MYO19: variants seen among roughly 807,000 people sequenced by gnomAD.
MYO19 encodes the protein myosin XIX.
In MYO19, 132 loss-of-function variants were observed where a neutral mutation model predicts 129.2. The ratio of observed to expected loss-of-function variants is 1.02; its 90% CI spans 0.89 to 1.18. The LOEUF (loss-of-function observed/expected upper bound fraction) is 1.18, where lower values mean the gene tolerates loss of function less well. Among genes scored for constraint, MYO19 ranks in the 50% most tolerant of loss-of-function variants. The pLI is 0.00. For synonymous variants in MYO19, 531 were observed against 477.2 expected, an observed-to-expected ratio of 1.11 and a Z score of -1.47; for missense variants, 1,210 against 1,216.7, an observed-to-expected ratio of 0.99 and a Z score of 0.08.
chr17:36,527,753 A>G, intron 4 of MYO19, 54 bp from the exon 5 acceptor site: 1 of 1,546,926 alleles, frequency 6.5e-7, no homozygotes, highest in South Asian at 1.2e-5. Flanking sequence ...CAAACCACAC[A>G]CACAGACACA....
intron 4 of MYO19, 107 bp downstream of exon 4, chr17:36,527,957 C>T: frequency 6.9e-7 from 1 of 1,458,938 alleles, no homozygotes. Context: ...GGCTCCAGAT[C>T]AGGAGTCCTG....
chr17:36,540,428 T>TG (rs1243526775), intron 2 of MYO19, among the ~76,000 whole-genome samples: 3 of 151,210 alleles, frequency 2.0e-5, no homozygotes, highest in African/African-American at 7.3e-5. Context: ...TGGAGTGCAG[T>TG]GGCACAGTCT....
intron 5 of MYO19, among the ~76,000 whole-genome samples, chr17:36,526,988 T>C (rs1265551607): frequency 1.3e-5 from 2 of 151,992 alleles, no homozygotes; most frequent in African/African-American, 2.4e-5. Flanking sequence ...GAGACCAGCC[T>C]GACCAATATG....
At chr17:36,522,617 C>T (rs1419139729) in intron 6 of MYO19, among the ~76,000 whole-genome samples, 3 of 152,082 alleles carry the variant, frequency 2.0e-5, no homozygotes, top group African/African-American at 4.8e-5. Context: ...TGCCTGTAAA[C>T]CCAGCACTTT....
At position 36,510,854 on chromosome 17, in the gene MYO19, T is replaced by C. The variant is rs775885737; in HGVS notation, c.1049A>G (p.Gln350Arg). 28 of 1,582,024 alleles carry C rather than the reference T, an allele frequency of 1.8e-5. No homozygotes were observed. The highest frequency in any genetic ancestry group is 2.3e-5 in the Non-Finnish European group (27 of 1,163,954). The change falls in exon 13 of 26, where the codon CAG becomes CGG. Residue 350 changes from glutamine (Q) to arginine (R), a missense_variant. Gln to Arg is a conservative substitution (Grantham distance 43). Transcript: ENST00000614623. Reference protein sequence around the residue: ...LPEDVLLEMVQIRTIRAGRQQ... With the variant: ...LPEDVLLEMVRIRTIRAGRQQ... ...TCTGCCTGCCCTGATGGTTCTAATC[T>C]GCACCATCTCCAGCAGCACGTCCTC...
intron 2 of MYO19, among the ~76,000 whole-genome samples, chr17:36,541,606 T>C (rs772120956): frequency 6.6e-6 from 1 of 152,236 alleles, no homozygotes; most frequent in Non-Finnish European, 1.5e-5. Flanking sequence ...CTGTTCTTTA[T>C]TAGGTACCAG....
At chr17:36,497,588 A>ATT in intron 25 of MYO19, 1 of 971,950 alleles carries the variant, frequency 1.0e-6, no homozygotes, top group African/African-American at 1.8e-5. Flanking sequence ...CCTAAACCAA[A>ATT]CTTTTTTTTT....
chr17:36,503,306 G>T, intron 20 of MYO19, 106 bp from the exon 21 acceptor site: 1 of 886,846 alleles, frequency 1.1e-6, no homozygotes, highest in Non-Finnish European at 1.9e-6. Context: ...CAACAACACA[G>T]CACGGTGCTG....
rs2071214228 is a variant in MYO19, at chr17:36,498,554, T to A, written c.2469A>T (p.Arg823Ser). 1.2e-6 allele frequency: 2 copies of A among 1,607,364 alleles called. No homozygotes were observed. The highest frequency in any genetic ancestry group is 1.7e-6 in the Non-Finnish European group (2 of 1,174,726). ...GCTCTTTAGCAGCAAGGCAGGCCAT[T>A]CTGATCTTAAAAAGCAAATATCCCT... ...IKRAWQKWRI[R>S]MACLAAKELD... is the part of the protein sequence containing the mutation. Residue 823 changes from arginine (R) to serine (S), a missense_variant, in exon 25 of 26, where the codon AGA becomes AGT. Transcript: ENST00000614623.
chr17:36,513,561 G>A, intron 10 of MYO19, 56 bp from the exon 11 acceptor site: 1 of 1,613,646 alleles, frequency 6.2e-7, no homozygotes, highest in Non-Finnish European at 8.5e-7. Context: ...TGCGAGGGAG[G>A]CAGGCTCTGT....
chr17:36,527,085 G>T (rs2073514123), intron 5 of MYO19, among the ~76,000 whole-genome samples: 1 of 152,108 alleles, frequency 6.6e-6, no homozygotes, highest in Admixed American at 6.5e-5. Context: ...AGAATTGCTT[G>T]AACTCAGGAG....
intron 23 of MYO19, 50 bp downstream of exon 23, chr17:36,500,780 A>C (rs760073071): frequency 1.3e-6 from 2 of 1,565,154 alleles, no homozygotes; most frequent in South Asian, 2.2e-5. Flanking sequence ...AAGGAAACCA[A>C]CATCCTGTGG....
Position 36,532,580 on chromosome 17 carries a change from G to A in MYO19, c.-42C>T. 1 of 1,552,142 alleles carries A rather than the reference G, an allele frequency of 6.4e-7. No individual in the cohort carries two copies. On this transcript the variant is annotated 5_prime_UTR_variant, in exon 3 of 26. Coordinates refer to ENST00000614623, the MANE Select transcript of MYO19 (RefSeq NM_001163735.2). ...CAGCCAGGGTTCTGGGTTGCAGGAG[G>A]TACAAGGAGTACTATCCACCTAGTC... is the stretch of plus-strand genomic sequence containing the variant.
chr17:36,512,360 G>C (rs1325223141), intron 11 of MYO19, among the ~76,000 whole-genome samples: 2 of 142,090 alleles, frequency 1.4e-5, no homozygotes, highest in Non-Finnish European at 3.0e-5. Context: ...CTGCACTCTA[G>C]ACTGGGCAAC....
upstream of MYO19, chr17:36,535,632 G>C (rs1318085215): frequency 1.3e-5 from 2 of 152,252 alleles, no homozygotes; most frequent in Admixed American, 1.3e-4. Context: ...CAGGTCGGGC[G>C]TCTGTTAGGA....
At chr17:36,496,499 G>A in intron 25 of MYO19, 93 bp from the exon 26 acceptor site, 1 of 1,232,136 alleles carries the variant, frequency 8.1e-7, no homozygotes, top group African/African-American at 1.5e-5. Flanking sequence ...AATGCAAGAA[G>A]GTATGGACAA....
chr17:36,510,635 T>C, intron 13 of MYO19, 111 bp downstream of exon 13: 1 of 1,237,550 alleles, frequency 8.1e-7, no homozygotes, highest in Non-Finnish European at 1.1e-6. Context: ...CAGTCTGTCT[T>C]ATCTCCCACC....
chr17:36,541,106 C>A (rs1055563541), intron 2 of MYO19, among the ~76,000 whole-genome samples: 4 of 152,116 alleles, frequency 2.6e-5, no homozygotes, highest in African/African-American at 9.7e-5. Context: ...CGCCACCACA[C>A]CCGGCTGATT....
intron 25 of MYO19, 29 bp from the exon 26 acceptor site, chr17:36,496,435 G>A (rs774811411): frequency 3.7e-6 from 6 of 1,611,674 alleles, no homozygotes; most frequent in Non-Finnish European, 5.1e-6. Flanking sequence ...TGCAGCTTTA[G>A]CACTAGTTCC....
Sources: allele counts gnomAD v4.1 joint callset (sites outside exome capture counted in the v4.1 genomes callset), GRCh38; gene constraint gnomAD v4.1.1; transcripts MANE v1.5; gene names NCBI Gene and HGNC (gene_info 2026-07-23, HGNC 2026-07-21).